SGCG: variants seen among roughly 807,000 people sequenced by gnomAD.
The protein encoded by SGCG is sarcoglycan gamma.
A neutral mutation model predicts 29.3 loss-of-function variants in SGCG; 26 were observed. The ratio of observed to expected loss-of-function variants is 0.89; its 90% CI spans 0.65 to 1.23. The LOEUF (loss-of-function observed/expected upper bound fraction) is 1.23, where lower values mean the gene tolerates loss of function less well. Ranked by LOEUF, SGCG falls within the 50% of genes most tolerant of loss-of-function variation. The pLI is 0.00. For missense variants in SGCG, 353 were observed against 356.0 expected, an observed-to-expected ratio of 0.99 and a Z score of 0.07; for synonymous variants, 145 against 129.7, an observed-to-expected ratio of 1.12 and a Z score of -0.80.
intron 4 of SGCG, among the ~76,000 whole-genome samples, chr13:23,254,684 G>A (rs565678160): frequency 6.6e-6 from 1 of 152,246 alleles, no homozygotes. Context: ...GACAATGGGG[G>A]AAAGGCCCTG....
upstream of SGCG, among the ~76,000 whole-genome samples, chr13:23,179,760 A>G (rs1447134285): frequency 6.6e-6 from 1 of 152,200 alleles, no homozygotes; most frequent in African/African-American, 2.4e-5. Flanking sequence ...AGAAGTATCA[A>G]ATTTCAAAAG....
In SGCG at chr13:23,324,696, G is replaced by A; in HGVS notation, c.*155G>A. On this transcript the variant is annotated 3_prime_UTR_variant, in exon 8 of 8. Coordinates refer to ENST00000218867, the MANE Select transcript of SGCG (RefSeq NM_000231.3). ...AAATTATGTGCCAGTGAAAGTGTTT[G>A]GACAAAAACTACATGATCTCAAAAT... is the stretch of plus-strand genomic sequence containing the variant. 1.5e-6 allele frequency: 1 copy of A among 689,554 alleles called. No individual in the cohort carries two copies. Among genetic ancestry groups the A allele is most frequent in the Non-Finnish European group, 2.6e-6 (1 of 390,558 alleles). 42.7% of individuals were successfully genotyped at this position (689,554 alleles called of 1,614,324 possible).
intron 6 of SGCG, among the ~76,000 whole-genome samples, chr13:23,302,017 A>G (rs1882178872): frequency 1.3e-5 from 2 of 152,172 alleles, no homozygotes. Flanking sequence ...TTTTGAAATA[A>G]AATTATTTTC....
chr13:23,295,621 G>A lies in SGCG; in HGVS notation c.578+134G>A, dbSNP rs541687169. 252 of 736,770 alleles carry A rather than the reference G, an allele frequency of 3.4e-4. 2 individuals are homozygous for A. The highest frequency in any genetic ancestry group is 2.8e-3 in the South Asian group (193 of 68,224). 45.6% of individuals were successfully genotyped at this position (736,770 alleles called of 1,614,324 possible). A position where few individuals can be genotyped will look rare whatever the true frequency, so the allele number is the denominator to read the frequency against. ...GTTGCCTTTATTTTCAAGACTTTCC[G>A]CTTATAACTAGATAGTATTTATTAA... On this transcript the variant is annotated intron_variant, in intron 6 of 7. Transcript: ENST00000218867.
chr13:23,312,555 G>C (rs975452160), intron 6 of SGCG, among the ~76,000 whole-genome samples: 5 of 152,174 alleles, frequency 3.3e-5, no homozygotes, highest in Non-Finnish European at 7.3e-5. Flanking sequence ...TGGAAACTAA[G>C]TGATGTGTAC....
At chr13:23,294,008 G>A (rs1422492617) in intron 5 of SGCG, among the ~76,000 whole-genome samples, 1 of 152,098 alleles carries the variant, frequency 6.6e-6, no homozygotes, top group African/African-American at 2.4e-5. Flanking sequence ...CATTATAGAA[G>A]CTCCTCAACT....
intron 7 of SGCG, among the ~76,000 whole-genome samples, chr13:23,322,486 G>A (rs77912232): frequency 3.2e-3 from 490 of 152,260 alleles, no homozygotes; most frequent in Middle Eastern, 0.01. Flanking sequence ...CAGGCGCTCC[G>A]ATGTCCTTCA....
chr13:23,256,327 TTTA>T (rs1361332357), intron 4 of SGCG, among the ~76,000 whole-genome samples: 1 of 152,132 alleles, frequency 6.6e-6, no homozygotes, highest in African/African-American at 2.4e-5. Context: ...ATTCAAAGTG[TTTA>T]TTATTAAGTT....
intron 5 of SGCG, among the ~76,000 whole-genome samples, chr13:23,283,637 G>A (rs574535481): frequency 2.6e-4 from 40 of 152,296 alleles, no homozygotes; most frequent in African/African-American, 8.7e-4. Flanking sequence ...ACTGTTATGT[G>A]TGAATTTGAT....
At chr13:23,247,491 C>T (rs991585172) in intron 3 of SGCG, among the ~76,000 whole-genome samples, 2 of 152,036 alleles carry the variant, frequency 1.3e-5, no homozygotes, top group Admixed American at 1.3e-4. Flanking sequence ...TGATAGAATA[C>T]AAAGAGTTTC....
At chr13:23,298,823 G>T (rs1882009766) in intron 6 of SGCG, among the ~76,000 whole-genome samples, 1 of 152,116 alleles carries the variant, frequency 6.6e-6, no homozygotes, top group Non-Finnish European at 1.5e-5. Context: ...TATACGGCAG[G>T]CTCTTACTGA....
chr13:23,189,362 A>G (rs1478365632), intron 1 of SGCG, among the ~76,000 whole-genome samples: 1 of 152,152 alleles, frequency 6.6e-6, no homozygotes, highest in African/African-American at 2.4e-5. Context: ...TTTTTAGTAG[A>G]GATGGGGCTT....
At chr13:23,279,681 C>T (rs574166438) in intron 5 of SGCG, among the ~76,000 whole-genome samples, 2 of 130,504 alleles carry the variant, frequency 1.5e-5, no homozygotes, top group Admixed American at 7.7e-5. Context: ...TTGGCCCACC[C>T]TTCTTCCATC....
At chr13:23,298,291 G>T (rs1881988268) in intron 6 of SGCG, among the ~76,000 whole-genome samples, 1 of 152,104 alleles carries the variant, frequency 6.6e-6, no homozygotes, top group Non-Finnish European at 1.5e-5. Flanking sequence ...GGGAGGCAGA[G>T]TTTGCAGTGA....
At chr13:23,316,645 G>GGTGGAA (rs968871156) in intron 6 of SGCG, among the ~76,000 whole-genome samples, 1 of 152,142 alleles carries the variant, frequency 6.6e-6, no homozygotes, top group Admixed American at 6.6e-5. Context: ...GGAATCAAGG[G>GGTGGAA]GTGGAAGTGG....
intron 1 of SGCG, among the ~76,000 whole-genome samples, chr13:23,190,592 A>T (rs973678125): frequency 2.0e-4 from 30 of 152,180 alleles, no homozygotes; most frequent in Admixed American, 9.8e-4. Context: ...TATGAAAGTT[A>T]TATGTCCGGC....
chr13:23,306,326 A>G (rs1882360177), intron 6 of SGCG, among the ~76,000 whole-genome samples: 1 of 152,180 alleles, frequency 6.6e-6, no homozygotes, highest in African/African-American at 2.4e-5. Flanking sequence ...GCCTGATGAA[A>G]TTTTTAAAGA....
intron 5 of SGCG, among the ~76,000 whole-genome samples, chr13:23,294,846 A>G (rs1265023759): frequency 6.6e-6 from 1 of 152,192 alleles, no homozygotes; most frequent in Admixed American, 6.5e-5. Flanking sequence ...ATCAAAGAGC[A>G]TGTCACTTTC....
At chr13:23,235,015 A>G (rs1181665422) in intron 3 of SGCG, among the ~76,000 whole-genome samples, 1 of 152,212 alleles carries the variant, frequency 6.6e-6, no homozygotes, top group African/African-American at 2.4e-5. Context: ...TTTATGTTAG[A>G]TCAACTAACT....
Sources: gnomAD v4.1 joint callset for allele counts (sites outside exome capture counted in the v4.1 genomes callset) on GRCh38, gnomAD v4.1.1 for gene constraint, MANE v1.5 for transcripts, NCBI Gene and HGNC (gene_info 2026-07-23, HGNC 2026-07-21) for gene names.